DIP2B: variants seen among roughly 807,000 people sequenced by gnomAD.
The protein encoded by DIP2B is DIP2 acetate--CoA ligase B (putative), also known as disco-interacting protein 2 homolog B.
Under a neutral mutation model 198.0 loss-of-function variants are expected in DIP2B, and 76 were observed. The ratio of observed to expected loss-of-function variants is 0.38; its 90% CI spans 0.32 to 0.46. DIP2B has a LOEUF of 0.46. DIP2B is among the 20% of genes least tolerant of loss of function. The pLI is 0.99. For synonymous variants in DIP2B, 701 were observed against 739.1 expected (o/e 0.95, Z 0.84); for missense variants, 1,559 against 1,978.4 (o/e 0.79, Z 4.02).
intron 1 of DIP2B, among the ~76,000 whole-genome samples, chr12:50,559,709 C>CCACACACACACACACACACACACACA (rs55678718): frequency 1.4e-5 from 2 of 139,520 alleles, no homozygotes; most frequent in African/African-American, 5.4e-5. Flanking sequence ...GTGACAGAAA[C>CCACACACACACACACACACACACACA]CACACACACA....
At position 50,551,648 on chromosome 12, in the gene DIP2B, C is replaced by T. The variant is rs145646454; in HGVS notation, c.100+46408C>T. ...TTGGGGAGATAAGGTTTTGCCATGT[C>T]GCCCCAGCTGGTCTTGAACTCCTGA... On this transcript the variant is annotated intron_variant, in intron 1 of 37. Transcript: ENST00000301180. 6.3e-3 allele frequency among the ~76,000 whole-genome samples: 961 copies of T among 152,198 alleles called. 5 individuals carry two copies. Among genetic ancestry groups the T allele is most frequent in the Non-Finnish European group, 0.01 (701 of 68,002 alleles).
chr12:50,666,088 G>A (rs377285216), intron 4 of DIP2B, among the ~76,000 whole-genome samples: 2 of 152,172 alleles, frequency 1.3e-5, no homozygotes, highest in African/African-American at 2.4e-5. Context: ...TTGGTGTGGG[G>A]TAGGACCAAT....
chr12:50,719,099 G>A, intron 25 of DIP2B, 64 bp downstream of exon 25: 1 of 1,523,916 alleles, frequency 6.6e-7, no homozygotes, highest in Admixed American at 2.0e-5. Context: ...AGGCACTCTT[G>A]ATCTCTTTCT....
At chr12:50,515,630 T>C (rs1365606256) in intron 1 of DIP2B, among the ~76,000 whole-genome samples, 1 of 152,208 alleles carries the variant, frequency 6.6e-6, no homozygotes, top group Non-Finnish European at 1.5e-5. Context: ...CTCTGGGGTT[T>C]CTTCTACTCT....
chr12:50,616,111 T>G (rs1345083084), intron 1 of DIP2B, among the ~76,000 whole-genome samples: 1 of 152,260 alleles, frequency 6.6e-6, no homozygotes, highest in Non-Finnish European at 1.5e-5. Context: ...TGAAATACCA[T>G]TTGTAAGAAG....
chr12:50,525,274 C>T (rs1470658630), intron 1 of DIP2B, among the ~76,000 whole-genome samples: 7 of 150,090 alleles, frequency 4.7e-5, no homozygotes, highest in East Asian at 4.0e-4. Flanking sequence ...AGGAGAATGG[C>T]GTGAACCCGG....
intron 1 of DIP2B, among the ~76,000 whole-genome samples, chr12:50,561,809 A>G (rs1020055889): frequency 2.0e-5 from 3 of 152,154 alleles, no homozygotes; most frequent in Admixed American, 6.5e-5. Context: ...GGTTTCACCC[A>G]TGTTGGCCAG....
At chr12:50,632,419 C>T (rs1163038514) in intron 2 of DIP2B, among the ~76,000 whole-genome samples, 4 of 131,568 alleles carry the variant, frequency 3.0e-5, no homozygotes, top group Admixed American at 8.1e-5. Context: ...ATGGAGGTTG[C>T]AGTGAGCCGA....
rs1395318050 is a variant in DIP2B, at chr12:50,674,517, C to T, written c.684C>T (p.Ser228=). 2.5e-6 allele frequency: 4 copies of T among 1,614,120 alleles called. No individual in the cohort carries two copies. In the African/African-American group the frequency reaches 5.3e-5, roughly 22 times the overall value. Residue 228 remains serine (S), a synonymous_variant, in exon 6 of 38, where the codon TCC becomes TCT. Transcript: ENST00000301180. ...CTGATGTCACTACAACTACCTCTTC[C>T]TCCTCATCATCTTCCTCAATTCGCC... The part of the protein sequence containing the change: ...APPDVTTTTS[S]SSSSSSIRPA...
At chr12:50,554,366 G>A (rs1289737855) in intron 1 of DIP2B, among the ~76,000 whole-genome samples, 2 of 151,934 alleles carry the variant, frequency 1.3e-5, no homozygotes, top group Non-Finnish European at 2.9e-5. Context: ...GCTAAATCAT[G>A]TGGTATACTT....
At chr12:50,547,287 C>T (rs898427463) in intron 1 of DIP2B, among the ~76,000 whole-genome samples, 6 of 152,122 alleles carry the variant, frequency 3.9e-5, no homozygotes, top group African/African-American at 1.2e-4. Flanking sequence ...CTGTACAACA[C>T]TAGAGTAATT....
intron 1 of DIP2B, among the ~76,000 whole-genome samples, chr12:50,539,388 C>T (rs1285475708): frequency 8.6e-5 from 13 of 151,782 alleles, no homozygotes; most frequent in African/African-American, 2.2e-4. Context: ...GAAACCTAGG[C>T]GGGTGGATCA....
At chr12:50,693,146 G>A in intron 14 of DIP2B, 133 bp downstream of exon 14, 1 of 834,048 alleles carries the variant, frequency 1.2e-6, no homozygotes, top group Non-Finnish European at 1.9e-6. Flanking sequence ...TTTTCCAGAG[G>A]CTATATAACC....
intron 4 of DIP2B, among the ~76,000 whole-genome samples, chr12:50,668,952 C>A (rs1938802387): frequency 6.6e-6 from 1 of 151,998 alleles, no homozygotes; most frequent in African/African-American, 2.4e-5. Context: ...CTTTTAATCA[C>A]CCCCCTTTTG....
intron 1 of DIP2B, among the ~76,000 whole-genome samples, chr12:50,619,039 C>A (rs11838333): frequency 0.018 from 2,690 of 152,236 alleles, 91 homozygotes; most frequent in African/African-American, 0.062. Context: ...AAAGTCCCCC[C>A]ACCCTCTATC....
rs1002110638 is a variant in DIP2B, at chr12:50,516,647, C to CA, written c.100+11414dup. On this transcript the variant is annotated intron_variant, in intron 1 of 37. Transcript: ENST00000301180. ...TCAGACCATAGTAACTTACCAAAGT[C>CA]AAAAAAATTGAGAGTCATCCTTATA... Among the ~76,000 whole-genome samples, 8 of 151,434 alleles carry CA rather than the reference C, an allele frequency of 5.3e-5. No individual in the cohort carries two copies. The East Asian group carries it at 1.6e-3, about 30-fold the overall frequency.
intron 1 of DIP2B, among the ~76,000 whole-genome samples, chr12:50,510,969 G>T (rs1026426838): frequency 1.7e-5 from 2 of 120,342 alleles, no homozygotes; most frequent in Non-Finnish European, 3.3e-5. Context: ...TTTTTGAGAC[G>T]GAGTCTCTCC....
At chr12:50,535,022 A>G (rs1237159324) in intron 1 of DIP2B, among the ~76,000 whole-genome samples, 4 of 152,110 alleles carry the variant, frequency 2.6e-5, no homozygotes, top group African/African-American at 9.7e-5. Flanking sequence ...TGAGCTCGGG[A>G]GTTTGAGACC....
chr12:50,518,930 G>A (rs931049341), intron 1 of DIP2B, among the ~76,000 whole-genome samples: 7 of 151,896 alleles, frequency 4.6e-5, no homozygotes, highest in Non-Finnish European at 1.0e-4. Flanking sequence ...TGTAGAGACA[G>A]GGGTCTCACT....
Sources: gnomAD v4.1 joint callset for allele counts (sites outside exome capture counted in the v4.1 genomes callset) on GRCh38, gnomAD v4.1.1 for gene constraint, MANE v1.5 for transcripts, NCBI Gene and HGNC (gene_info 2026-07-23, HGNC 2026-07-21) for gene names.